Variants in PRKN observed in about 807,000 individuals in gnomAD.
The protein encoded by PRKN is E3 ubiquitin-protein ligase parkin.
PRKN carries 56 observed loss-of-function variants against 59.5 expected under a neutral mutation model. The observed-to-expected ratio is 0.94, with a 90% confidence interval of 0.76 to 1.18. The LOEUF (loss-of-function observed/expected upper bound fraction) is 1.18. PRKN is among the 50% of genes most tolerant of loss of function. The pLI is 0.00. For missense variants in PRKN, 657 were observed against 596.4 expected (o/e 1.10, Z -1.06); for synonymous variants, 250 against 222.1 (o/e 1.13, Z -1.12).
intron 6 of PRKN, among the ~76,000 whole-genome samples, chr6:161,866,183 T>TG (rs1173437817): frequency 1.3e-5 from 2 of 152,170 alleles, no homozygotes; most frequent in Non-Finnish European, 2.9e-5. Context: ...GCATGGTTTT[T>TG]GGTACTGCAA....
intron 7 of PRKN, among the ~76,000 whole-genome samples, chr6:161,739,049 C>T (rs913216276): frequency 1.3e-5 from 2 of 152,178 alleles, no homozygotes; most frequent in Non-Finnish European, 2.9e-5. Context: ...ATCCTCTTAA[C>T]GTGATTTAAG....
rs562876791 is a variant in PRKN at position 162,165,301 on chromosome 6, A to G, written c.534+35830T>C. 1.1e-4 allele frequency among the ~76,000 whole-genome samples: 16 copies of G among 149,432 alleles called. 1 individual carries two copies. The highest frequency in any genetic ancestry group is 3.8e-4 in the African/African-American group (15 of 39,860). On this transcript the variant is annotated intron_variant, in intron 4 of 11. Coordinates refer to ENST00000366898, the MANE Select transcript of PRKN (RefSeq NM_004562.3). ...TCTTTGACAGGTTAGAGACCACAATATCATTAAAAAGTAATAAACTTAGAA... is the reference window on the plus strand; with the variant it reads ...TCTTTGACAGGTTAGAGACCACAATGTCATTAAAAAGTAATAAACTTAGAA...
intron 7 of PRKN, among the ~76,000 whole-genome samples, chr6:161,611,019 G>A (rs1402930605): frequency 6.6e-6 from 1 of 152,124 alleles, no homozygotes; most frequent in East Asian, 1.9e-4. Context: ...GAAAACTATC[G>A]ATGCCCTGAA....
At chr6:162,279,502 C>T (rs996254260) in intron 2 of PRKN, among the ~76,000 whole-genome samples, 1 of 152,030 alleles carries the variant, frequency 6.6e-6, no homozygotes, top group African/African-American at 2.4e-5. Flanking sequence ...AAAGAATCCT[C>T]TGTCTTAATC....
chr6:161,426,879 T>C (rs1015340633), intron 9 of PRKN, among the ~76,000 whole-genome samples: 3 of 151,356 alleles, frequency 2.0e-5, no homozygotes, highest in Non-Finnish European at 2.9e-5. Flanking sequence ...CCACCACGCC[T>C]GGCTAATTTT....
At chr6:161,662,840 A>C (rs1475955606) in intron 7 of PRKN, among the ~76,000 whole-genome samples, 1 of 152,170 alleles carries the variant, frequency 6.6e-6, no homozygotes, top group African/African-American at 2.4e-5. Context: ...TCTGTGGTGA[A>C]ATACATGAAC....
At chr6:162,156,697 T>C (rs562650571) in intron 4 of PRKN, among the ~76,000 whole-genome samples, 1 of 152,206 alleles carries the variant, frequency 6.6e-6, no homozygotes, top group South Asian at 2.1e-4. Context: ...GACTTAAAAG[T>C]TAATCTCTTT....
intron 2 of PRKN, among the ~76,000 whole-genome samples, chr6:162,422,868 C>A (rs926965119): frequency 1.3e-5 from 2 of 150,054 alleles, no homozygotes; most frequent in East Asian, 4.0e-4. Context: ...ATTTCTTGAA[C>A]CCGGGAGGCA....
chr6:161,899,734 T>C (rs1051223667), intron 6 of PRKN, among the ~76,000 whole-genome samples: 1 of 152,198 alleles, frequency 6.6e-6, no homozygotes, highest in African/African-American at 2.4e-5. Flanking sequence ...TTTTCTCCAG[T>C]CATCTACAAA....
In PRKN at chr6:161,551,737, CG is replaced by C. The variant is rs551062410; in HGVS notation, c.934-2735del. On this transcript the variant is annotated intron_variant, in intron 8 of 11. Transcript: ENST00000366898. The surrounding 1 kb of genome is among the most constrained non-coding windows in gnomAD (Gnocchi z 5.2). Reference sequence around the variant, plus strand: ...TTTGCCAGTAAAAGGGAGCAGAGATCGGGGAGGCCATTGGATAGGACTCTGG... The same window carrying C: ...TTTGCCAGTAAAAGGGAGCAGAGATCGGGAGGCCATTGGATAGGACTCTGG... 9.9e-5 allele frequency among the ~76,000 whole-genome samples: 15 copies of C among 152,208 alleles called. No individual in the cohort carries two copies. The South Asian group carries it at 3.1e-3, about 32-fold the overall frequency.
chr6:162,061,808 A>G (rs1425637806), intron 4 of PRKN, among the ~76,000 whole-genome samples: 1 of 152,244 alleles, frequency 6.6e-6, no homozygotes, highest in African/African-American at 2.4e-5. Flanking sequence ...TAAAAAAGGG[A>G]GAATAATCGC....
intron 9 of PRKN, among the ~76,000 whole-genome samples, chr6:161,519,205 A>G (rs1393010769): frequency 6.6e-6 from 1 of 150,524 alleles, no homozygotes; most frequent in Non-Finnish European, 1.5e-5. Flanking sequence ...AGGAGAGAGG[A>G]GGTTTGTGTG....
chr6:162,497,813 A>G (rs1204465034), intron 1 of PRKN, among the ~76,000 whole-genome samples: 2 of 152,228 alleles, frequency 1.3e-5, no homozygotes, highest in African/African-American at 2.4e-5. Flanking sequence ...AAGTGAGTAT[A>G]GATAGAAGGA....
chr6:162,693,624 C>A (rs1236551021), intron 1 of PRKN, among the ~76,000 whole-genome samples: 1 of 152,128 alleles, frequency 6.6e-6, no homozygotes, highest in Non-Finnish European at 1.5e-5. Flanking sequence ...TTATGAGACA[C>A]CAATAGCTAC....
rs961051733 is a variant in PRKN at position 161,378,578 on chromosome 6, G to C, written c.1167+8216C>G. Among the ~76,000 whole-genome samples, 1 of 152,194 alleles carries C rather than the reference G, an allele frequency of 6.6e-6. No individual in the cohort carries two copies. Among genetic ancestry groups the C allele is most frequent in the African/African-American group, 2.4e-5 (1 of 41,444 alleles). ...TGCCTTTCTTGGCAACAGAGCCTCA[G>C]CCAGCACTAGCATCTGCAGGCTGCC... On this transcript the variant is annotated intron_variant, in intron 10 of 11. Transcript: ENST00000366898. This position sits in a 1 kb window ranked among gnomAD's most constrained non-coding sequence, Gnocchi z 7.3.
intron 4 of PRKN, among the ~76,000 whole-genome samples, chr6:162,162,062 G>C (rs981455967): frequency 2.0e-4 from 31 of 152,070 alleles, no homozygotes; most frequent in African/African-American, 7.0e-4. Flanking sequence ...AACCAACACA[G>C]TATAAAAACT....
intron 10 of PRKN, among the ~76,000 whole-genome samples, chr6:161,381,806 C>A (rs1166058376): frequency 6.6e-6 from 1 of 152,134 alleles, no homozygotes; most frequent in African/African-American, 2.4e-5. Context: ...CACAAACCCT[C>A]CACTAACAAA....
intron 2 of PRKN, among the ~76,000 whole-genome samples, chr6:162,289,681 C>A (rs1781339191): frequency 8.2e-6 from 1 of 122,298 alleles, no homozygotes; most frequent in Non-Finnish European, 1.6e-5. Context: ...GAGCGAGACA[C>A]TGTCTCAAAA....
rs1784710787 is a variant in PRKN, at chr6:161,355,454, T to G, written c.1285+4634A>C. Among the ~76,000 whole-genome samples, 1 of 152,276 alleles carries G rather than the reference T, an allele frequency of 6.6e-6. No homozygotes were observed. The highest frequency in any genetic ancestry group is 1.5e-5 in the Non-Finnish European group (1 of 68,050). On this transcript the variant is annotated intron_variant, in intron 11 of 11. Transcript: ENST00000366898. The surrounding 1 kb of genome is among the most constrained non-coding windows in gnomAD (Gnocchi z 6.8). ...TCTCACTGTGTCACCCAGGCCGAAG[T>G]GCAATGGTGCAATCTTGGCTCACTG...
Sources: gnomAD v4.1 joint callset for allele counts (sites outside exome capture counted in the v4.1 genomes callset) on GRCh38, gnomAD v4.1.1 for gene constraint, Gnocchi (gnomAD v3.1) non-coding constraint, MANE v1.5 for transcripts, NCBI Gene and HGNC (gene_info 2026-07-23, HGNC 2026-07-21) for gene names.